OR4N2: variants seen among roughly 807,000 people sequenced by gnomAD.
The protein encoded by OR4N2 is olfactory receptor 4N2.
For missense variants in OR4N2, 307 were observed against 377.6 expected (o/e 0.81, Z 1.55); for synonymous variants, 141 against 140.4 (o/e 1.00, Z -0.03).
At chr14:19,820,232 G>A (rs1486459211) in intron 1 of OR4N2, among the ~76,000 whole-genome samples, 1 of 152,240 alleles carries the variant, frequency 6.6e-6, no homozygotes, top group Non-Finnish European at 1.5e-5. Context: ...GAGATCTGCT[G>A]GATCTCCTGG....
At chr14:19,804,498 A>T (rs1339850481) in intron 1 of OR4N2, among the ~76,000 whole-genome samples, 4 of 151,936 alleles carry the variant, frequency 2.6e-5, no homozygotes, top group Non-Finnish European at 5.9e-5. Context: ...TAATTTTCAC[A>T]TATGCTTTTG....
At chr14:19,809,386 A>T (rs1163187709) in intron 1 of OR4N2, among the ~76,000 whole-genome samples, 2 of 152,248 alleles carry the variant, frequency 1.3e-5, no homozygotes, top group Non-Finnish European at 2.9e-5. Flanking sequence ...GAGCTTCTGC[A>T]CAGCAAAAGA....
At chr14:19,808,825 A>G (rs1236632141) in intron 1 of OR4N2, among the ~76,000 whole-genome samples, 5 of 131,194 alleles carry the variant, frequency 3.8e-5, no homozygotes, top group Admixed American at 8.2e-5. Flanking sequence ...GAAATATTGA[A>G]AAAAAAAAGT....
chr14:19,821,900 T>C (rs1472280117), intron 1 of OR4N2: 1 of 152,276 alleles, frequency 6.6e-6, no homozygotes, highest in East Asian at 1.9e-4. Context: ...TGAACATTTA[T>C]GAACAATGGC....
Position 19,827,845 on chromosome 14 carries a change from C to T in OR4N2, c.397C>T (p.Pro133Ser), listed in dbSNP as rs2318279. ...CGCCATCTGCCGGCCTCTGCACTATCCTACTGTCATGAACCCTAGAACCTG... is the reference window on the plus strand; with the variant it reads ...CGCCATCTGCCGGCCTCTGCACTATTCTACTGTCATGAACCCTAGAACCTG... ...YIAICRPLHY[P>S]TVMNPRTCYA... The change falls in exon 2 of 2, where the codon CCT (proline) becomes TCT (serine). Residue 133 changes from proline (P) to serine (S), a missense_variant. Transcript: ENST00000557677. 431,888 of 1,564,734 alleles carry T rather than the reference C, an allele frequency of 0.28. 28,306 individuals are homozygous for T. The highest frequency in any genetic ancestry group is 0.4 in the African/African-American group (29,492 of 73,512).
chr14:19,823,251 T>C (rs2318283), intron 1 of OR4N2, among the ~76,000 whole-genome samples: 1 of 151,976 alleles, frequency 6.6e-6, no homozygotes, highest in East Asian at 1.9e-4. Flanking sequence ...TTTTTGAAAT[T>C]TGTATTCAAT....
rs142751175 is a variant in OR4N2 at position 19,808,368 on chromosome 14, T to C, written c.-10+4524T>C. ...CACAAAAAAGCAACTAGAACTGATA[T>C]ACAGTTTTAGGAAGGTTTCAGGACA... On this transcript the variant is annotated intron_variant, in intron 1 of 1. Transcript: ENST00000557677. 6.0e-4 allele frequency among the ~76,000 whole-genome samples: 91 copies of C among 152,272 alleles called. No homozygotes were observed. The Middle Eastern group carries it at 0.01, about 17-fold the overall frequency.
chr14:19,824,605 T>A (rs1452375479), intron 1 of OR4N2, among the ~76,000 whole-genome samples: 2 of 152,260 alleles, frequency 1.3e-5, no homozygotes, highest in African/African-American at 4.8e-5. Context: ...GTGGATTTTC[T>A]TCCACCTCTG....
At chr14:19,819,744 G>C (rs1460979992) in intron 1 of OR4N2, among the ~76,000 whole-genome samples, 1 of 152,250 alleles carries the variant, frequency 6.6e-6, no homozygotes, top group East Asian at 1.9e-4. Context: ...AAGGAGTTGT[G>C]ATCCTTTGGA....
chr14:19,810,063 C>A (rs1017176858), intron 1 of OR4N2, among the ~76,000 whole-genome samples: 1 of 152,218 alleles, frequency 6.6e-6, no homozygotes, highest in Admixed American at 6.5e-5. Flanking sequence ...AGTCAACAGA[C>A]AAGCTACAAA....
At chr14:19,807,988 T>C (rs1048617619) in intron 1 of OR4N2, among the ~76,000 whole-genome samples, 1 of 152,180 alleles carries the variant, frequency 6.6e-6, no homozygotes, top group Non-Finnish European at 1.5e-5. Flanking sequence ...AAAAACCACA[T>C]GATCATCTCA....
At chr14:19,807,409 ATCC>A (rs1235915959) in intron 1 of OR4N2, among the ~76,000 whole-genome samples, 1 of 152,260 alleles carries the variant, frequency 6.6e-6, no homozygotes, top group African/African-American at 2.4e-5. Context: ...GTTGCAACTG[ATCC>A]CACAGAAATA....
At chr14:19,826,564 A>G (rs1203292872) in intron 1 of OR4N2, among the ~76,000 whole-genome samples, 1 of 152,280 alleles carries the variant, frequency 6.6e-6, no homozygotes, top group Non-Finnish European at 1.5e-5. Context: ...CTTACAGTGT[A>G]TCTATGCTAT....
At chr14:19,806,135 T>C (rs538457905) in intron 1 of OR4N2, among the ~76,000 whole-genome samples, 1 of 152,272 alleles carries the variant, frequency 6.6e-6, no homozygotes, top group South Asian at 2.1e-4. Context: ...CTTAAGCACA[T>C]AGCCCATAGA....
chr14:19,810,774 A>C (rs560338651), intron 1 of OR4N2, among the ~76,000 whole-genome samples: 2 of 152,380 alleles, frequency 1.3e-5, no homozygotes, highest in South Asian at 4.1e-4. Flanking sequence ...TGATTACCAA[A>C]ATTGATAAAC....
At chr14:19,812,454 C>T (rs544807647) in intron 1 of OR4N2, among the ~76,000 whole-genome samples, 19 of 151,794 alleles carry the variant, frequency 1.3e-4, no homozygotes, top group East Asian at 3.9e-4. Flanking sequence ...CTCAGCCTCC[C>T]GAGTAGCTGG....
intron 1 of OR4N2, among the ~76,000 whole-genome samples, chr14:19,821,607 G>A (rs1450040522): frequency 6.6e-6 from 1 of 151,948 alleles, no homozygotes; most frequent in Non-Finnish European, 1.5e-5. Context: ...TTTATTTCTG[G>A]ACTAAAAAAT....
intron 1 of OR4N2, among the ~76,000 whole-genome samples, chr14:19,820,147 G>A (rs1879527895): frequency 6.6e-6 from 1 of 152,258 alleles, no homozygotes; most frequent in Non-Finnish European, 1.5e-5. Context: ...GTGTCTCCCA[G>A]TCAGGAGGCA....
chr14:19,824,290 T>A (rs1279832771), intron 1 of OR4N2, among the ~76,000 whole-genome samples: 4 of 152,210 alleles, frequency 2.6e-5, no homozygotes, highest in Admixed American at 6.5e-5. Context: ...AAGGTAGAGA[T>A]AATTGAAAGA....
Sources: allele counts gnomAD v4.1 joint callset (sites outside exome capture counted in the v4.1 genomes callset), GRCh38; gene constraint gnomAD v4.1.1; transcripts MANE v1.5; gene names NCBI Gene and HGNC (gene_info 2026-07-23, HGNC 2026-07-21).